ATG7: variants seen among roughly 807,000 people sequenced by gnomAD.
ATG7 encodes autophagy related 7, also known as ubiquitin-like modifier-activating enzyme ATG7.
Under a neutral mutation model 82.4 loss-of-function variants are expected in ATG7, and 70 were observed. That is an observed-to-expected ratio of 0.85 (90% CI 0.70 to 1.04). ATG7 has a LOEUF of 1.04. Ranked by LOEUF, ATG7 falls within the 50% of genes least tolerant of loss-of-function variation. ATG7 has a pLI of 0.00. For synonymous variants in ATG7, 287 were observed against 313.0 expected (o/e 0.92, Z 0.88); for missense variants, 792 against 864.3 (o/e 0.92, Z 1.05).
chr3:11,533,601 T>C (rs980667760), intron 20 of ATG7, among the ~76,000 whole-genome samples: 1 of 150,044 alleles, frequency 6.7e-6, no homozygotes, highest in African/African-American at 2.5e-5. Flanking sequence ...CTCTGAAATC[T>C]TCTCTGAAAT....
At chr3:11,350,043 G>T (rs1356438824) in intron 14 of ATG7, among the ~76,000 whole-genome samples, 1 of 152,154 alleles carries the variant, frequency 6.6e-6, no homozygotes, top group Non-Finnish European at 1.5e-5. Context: ...TATACTTAAA[G>T]TGCCAGAAGA....
chr3:11,572,903 C>G, the ATG7 span, among the ~76,000 whole-genome samples: 63 of 152,240 alleles, frequency 4.1e-4, 1 homozygote, highest in African/African-American at 1.5e-3. Context: ...CGCAGTGGCT[C>G]ACACCTGTAA....
chr3:11,399,854 G>A (rs537132898), intron 19 of ATG7, among the ~76,000 whole-genome samples: 1 of 152,308 alleles, frequency 6.6e-6, no homozygotes, highest in African/African-American at 2.4e-5. Context: ...GATTACACGT[G>A]AGCCACAGTG....
At chr3:11,488,910 G>C (rs1242414433) in intron 20 of ATG7, among the ~76,000 whole-genome samples, 18 of 152,196 alleles carry the variant, frequency 1.2e-4, no homozygotes, top group Middle Eastern at 6.8e-3. Context: ...GGATGATGCT[G>C]GCCTCATAAA....
At position 11,388,067 on chromosome 3, in the gene ATG7, T is replaced by G. The variant is rs116053115; in HGVS notation, c.1956+8015T>G. 5.8e-3 allele frequency among the ~76,000 whole-genome samples: 881 copies of G among 152,286 alleles called. 8 individuals are homozygous for G. The highest frequency in any genetic ancestry group is 7.6e-3 in the Non-Finnish European group (517 of 68,020). Reference sequence around the variant, plus strand: ...AAAGCACCATTGCTCTATGAGTGTTTCTTTGGTACCATTCCCAAGCTCTCC... The same window carrying G: ...AAAGCACCATTGCTCTATGAGTGTTGCTTTGGTACCATTCCCAAGCTCTCC... On this transcript the variant is annotated intron_variant, in intron 19 of 20. Transcript: ENST00000693202.
intron 19 of ATG7, among the ~76,000 whole-genome samples, chr3:11,418,590 A>G (rs529914530): frequency 3.5e-4 from 54 of 152,256 alleles, no homozygotes; most frequent in South Asian, 3.5e-3. Flanking sequence ...GTCCACACCT[A>G]GCAATTTTTG....
At chr3:11,561,115 G>C (rs1353889146), downstream of ATG7, among the ~76,000 whole-genome samples, 2 of 146,716 alleles carry the variant, frequency 1.4e-5, no homozygotes, top group Non-Finnish European at 3.0e-5. Flanking sequence ...ATGACCTTGG[G>C]CTCTAGGAGA....
At chr3:11,329,572 T>C (rs896386216) in intron 9 of ATG7, among the ~76,000 whole-genome samples, 1 of 152,220 alleles carries the variant, frequency 6.6e-6, no homozygotes, top group Non-Finnish European at 1.5e-5. Flanking sequence ...GAGTGTCTGC[T>C]CTGTATTTAT....
At chr3:11,489,265 G>A (rs547042257) in intron 20 of ATG7, among the ~76,000 whole-genome samples, 41 of 152,300 alleles carry the variant, frequency 2.7e-4, no homozygotes, top group South Asian at 6.2e-4. Flanking sequence ...GTCTTTTTGC[G>A]TAGAGGTGTT....
the ATG7 span, among the ~76,000 whole-genome samples, chr3:11,563,568 C>T: frequency 6.6e-6 from 1 of 152,270 alleles, no homozygotes; most frequent in African/African-American, 2.4e-5. Context: ...CACAGCTCTG[C>T]TCTGCAGAGG....
At chr3:11,366,760 T>C (rs2076639539) in intron 18 of ATG7, among the ~76,000 whole-genome samples, 2 of 152,082 alleles carry the variant, frequency 1.3e-5, no homozygotes, top group African/African-American at 2.4e-5. Flanking sequence ...AGTGTCAAAA[T>C]GCATGTGCCC....
the ATG7 span, among the ~76,000 whole-genome samples, chr3:11,570,697 G>A: frequency 6.6e-6 from 1 of 152,184 alleles, no homozygotes; most frequent in Admixed American, 6.5e-5. Flanking sequence ...TTCTGAAAAA[G>A]CAAAATTTAA....
intron 20 of ATG7, among the ~76,000 whole-genome samples, chr3:11,482,191 T>C (rs975371975): frequency 1.3e-5 from 2 of 152,198 alleles, no homozygotes; most frequent in African/African-American, 4.8e-5. Context: ...TATATTGATG[T>C]TCTGTGAGAA....
intron 19 of ATG7, among the ~76,000 whole-genome samples, chr3:11,394,407 TA>T (rs1559529851): frequency 6.6e-6 from 1 of 152,190 alleles, no homozygotes. Context: ...AAATCACTAT[TA>T]TAAGGAGATT....
chr3:11,282,713 T>C (rs1027017614), intron 3 of ATG7, among the ~76,000 whole-genome samples: 1 of 152,242 alleles, frequency 6.6e-6, no homozygotes, highest in Non-Finnish European at 1.5e-5. Flanking sequence ...TTTAGAACTT[T>C]TTCCCTTCTT....
intron 20 of ATG7, among the ~76,000 whole-genome samples, chr3:11,462,669 G>C (rs780366782): frequency 6.6e-6 from 1 of 152,062 alleles, no homozygotes; most frequent in East Asian, 1.9e-4. Context: ...TGGTTAGTTC[G>C]CATGTCAGAA....
At chr3:11,554,422 G>A (rs2072180433) in intron 20 of ATG7, among the ~76,000 whole-genome samples, 1 of 152,184 alleles carries the variant, frequency 6.6e-6, no homozygotes, top group African/African-American at 2.4e-5. Flanking sequence ...TGCCCTCAGG[G>A]AGCTTGCCTT....
intron 20 of ATG7, among the ~76,000 whole-genome samples, chr3:11,492,314 C>T (rs1324211793): frequency 6.6e-6 from 1 of 152,240 alleles, no homozygotes; most frequent in Non-Finnish European, 1.5e-5. Flanking sequence ...CCTCGCCCTG[C>T]TTCGGCTCGC....
intron 20 of ATG7, among the ~76,000 whole-genome samples, chr3:11,554,597 CCT>C (rs2072214234): frequency 1.3e-5 from 2 of 152,174 alleles, no homozygotes; most frequent in South Asian, 2.1e-4. Context: ...CCAGCCCTCC[CCT>C]GTTGGTTCCA....
Sources: gnomAD v4.1 joint callset for allele counts (sites outside exome capture counted in the v4.1 genomes callset) on GRCh38, gnomAD v4.1.1 for gene constraint, MANE v1.5 for transcripts, NCBI Gene and HGNC (gene_info 2026-07-23, HGNC 2026-07-21) for gene names.